The following SLC44A4 variants were observed in gnomAD, a reference collection of about 807,000 sequenced individuals.
The protein encoded by SLC44A4 is choline transporter-like protein 4.
A neutral mutation model predicts 97.0 loss-of-function variants in SLC44A4; 74 were observed. That is an observed-to-expected ratio of 0.76 (90% CI 0.63 to 0.93). SLC44A4 has a LOEUF of 0.93. Ranked by LOEUF, SLC44A4 falls within the 40% of genes least tolerant of loss-of-function variation. The pLI, the probability that SLC44A4 is intolerant of heterozygous loss-of-function variation, is 0.00. For synonymous variants in SLC44A4, 325 were observed against 363.8 expected, an observed-to-expected ratio of 0.89 and a Z score of 1.21; for missense variants, 799 against 902.9, an observed-to-expected ratio of 0.88 and a Z score of 1.48.
At chr6:31,866,719 C>T (rs1001764013) in intron 13 of SLC44A4, among the ~76,000 whole-genome samples, 1 of 152,036 alleles carries the variant, frequency 6.6e-6, no homozygotes, top group East Asian at 1.9e-4. Context: ...ATGGTGAAAT[C>T]CCATCTCTAC....
chr6:31,873,527 G>A (rs1763285643), intron 7 of SLC44A4, among the ~76,000 whole-genome samples: 2 of 152,012 alleles, frequency 1.3e-5, no homozygotes, highest in Admixed American at 6.6e-5. Flanking sequence ...ACTGGGTGTC[G>A]GGGCTCATGT....
intron 7 of SLC44A4, among the ~76,000 whole-genome samples, chr6:31,872,917 G>A (rs1763251691): frequency 6.7e-6 from 1 of 149,636 alleles, no homozygotes; most frequent in East Asian, 1.9e-4. Context: ...TCTCACTGTT[G>A]CCCAGGCTGG....
chr6:31,865,948 G>A lies in SLC44A4; in HGVS notation c.1412C>T (p.Ser471Phe). ...GGGCTTGTGGAAGGCCCAGTAGAAG[G>A]AGGCAAAGGCTCCAGCGAGGACGCA... ...GQCVLAGAFA[S>F]FYWAFHKPQD... The change falls in exon 14 of 21, where the codon TCC (serine) becomes TTC (phenylalanine). Residue 471 changes from serine to phenylalanine, a missense_variant. Ser to Phe is a radical substitution (Grantham distance 155). Coordinates refer to ENST00000229729, the MANE Select transcript of SLC44A4 (RefSeq NM_025257.3). This position sits in a 1 kb window ranked among gnomAD's most constrained non-coding sequence, Gnocchi z 5.2. 1 of 1,614,218 alleles carries A rather than the reference G, an allele frequency of 6.2e-7. No individual in the cohort carries two copies.
Position 31,874,593 on chromosome 6 carries a change from A to T in SLC44A4, c.469-73T>A. 1 of 1,578,964 alleles carries T rather than the reference A, an allele frequency of 6.3e-7. No homozygotes were observed. The highest frequency in any genetic ancestry group is 1.2e-5 in the South Asian group (1 of 84,572). ...AGAAGCAGGTCCCCTCACCACCACC[A>T]TGGGGCTCAGCCTGTCCCACACTCC... is the stretch of plus-strand genomic sequence containing the variant. On this transcript the variant is annotated intron_variant, in intron 6 of 20. Coordinates refer to ENST00000229729, the MANE Select transcript of SLC44A4 (RefSeq NM_025257.3). This position sits in a 1 kb window ranked among gnomAD's most constrained non-coding sequence, Gnocchi z 4.8.
Position 31,874,779 on chromosome 6 carries a change from C to G in SLC44A4, c.410G>C (p.Gly137Ala). 1.9e-6 allele frequency: 3 copies of G among 1,614,006 alleles called. No individual in the cohort carries two copies. Among genetic ancestry groups the G allele is most frequent in the Non-Finnish European group, 2.5e-6 (3 of 1,179,970 alleles). The change falls in exon 6 of 21, where the codon GGG (glycine) becomes GCG (alanine). Residue 137 changes from glycine to alanine, a missense_variant. Around this residue, in one of 3 missense-constraint regions of SLC44A4, gnomAD observed 409 missense variants for 434.1 expected, o/e 0.94. Transcript: ENST00000229729. This position sits in a 1 kb window ranked among gnomAD's most constrained non-coding sequence, Gnocchi z 4.8. ...CCTGTTTTTTGTATAGAAGACTTCC[C>G]CAACAGTCTGTGAGAACTCGTTTTT... ...VGKNEFSQTV[G>A]EVFYTKNRNF...
intron 13 of SLC44A4, among the ~76,000 whole-genome samples, chr6:31,867,111 G>T (rs189202271): frequency 1.4e-4 from 22 of 151,894 alleles, no homozygotes; most frequent in Admixed American, 6.6e-4. Flanking sequence ...ACAGGGTCTC[G>T]CTCTGTTGCC....
intron 12 of SLC44A4, 31 bp downstream of exon 12, chr6:31,869,514 A>C: frequency 6.4e-7 from 1 of 1,559,680 alleles, no homozygotes; most frequent in Non-Finnish European, 8.7e-7. Flanking sequence ...CCAGGACTCC[A>C]AGAGTGGCTG....
chr6:31,865,832 C>A lies in SLC44A4; in HGVS notation c.1487+41G>T, dbSNP rs769275197. On this transcript the variant is annotated intron_variant, in intron 14 of 20. Coordinates refer to ENST00000229729, the MANE Select transcript of SLC44A4 (RefSeq NM_025257.3). This position sits in a 1 kb window ranked among gnomAD's most constrained non-coding sequence, Gnocchi z 5.2. ...AGAGACAGCTCCAGGACCCCTGGGG[C>A]CCCCGTGCCTACAATGACCAGGCCC... The A allele has an allele frequency of 6.2e-7, 1 of 1,613,848 alleles. No homozygotes were observed. The highest frequency in any genetic ancestry group is 8.5e-7 in the Non-Finnish European group (1 of 1,179,836).
At chr6:31,864,403 T>C in intron 20 of SLC44A4, 1 of 582,516 alleles carries the variant, frequency 1.7e-6, no homozygotes. Context: ...ACCCGAGATT[T>C]CTTAGGGAAG....
Position 31,870,931 on chromosome 6 carries a change from A to G in SLC44A4, c.818T>C (p.Ile273Thr). The change falls in exon 10 of 21, where the codon ATC becomes ACC. Residue 273 changes from isoleucine to threonine, a missense_variant. Transcript: ENST00000229729. ...TCGGTACTCCTCCCAGCAGTAGTAG[A>G]TGCCGTATGCCAGCACGCCCAGCAC... ...LGVLGVLAYGIYYCWEEYRVL... is the reference protein window; with the variant it reads ...LGVLGVLAYGTYYCWEEYRVL... The G allele has an allele frequency of 6.2e-7, 1 of 1,613,010 alleles. No individual in the cohort carries two copies. The highest frequency in any genetic ancestry group is 8.5e-7 in the Non-Finnish European group (1 of 1,179,990).
chr6:31,863,787 G>T, intron 20 of SLC44A4, 39 bp from the exon 21 acceptor site: 2 of 1,610,154 alleles, frequency 1.2e-6, no homozygotes, highest in Non-Finnish European at 1.7e-6. Flanking sequence ...GGACCCTGGG[G>T]CCAGGAAATC....
Position 31,864,641 on chromosome 6 carries a change from G to A in SLC44A4, c.2011+11C>T. 6.2e-7 allele frequency: 1 copy of A among 1,613,260 alleles called. No homozygotes were observed. Among genetic ancestry groups the A allele is most frequent in the Non-Finnish European group, 8.5e-7 (1 of 1,179,238 alleles). ...TAAGGTTGGGGACAGGTGGCTGGGG[G>A]TGTCACTCACGGAAGCAGAGGAAGA... On this transcript the variant is annotated intron_variant, in intron 20 of 20. Transcript: ENST00000229729.
Position 31,865,158 on chromosome 6 carries a change from G to A in SLC44A4, c.1761-78C>T. On this transcript the variant is annotated intron_variant, in intron 17 of 20. Coordinates refer to ENST00000229729, the MANE Select transcript of SLC44A4 (RefSeq NM_025257.3). This position sits in a 1 kb window ranked among gnomAD's most constrained non-coding sequence, Gnocchi z 5.2. ...GTGAAATTGGCTTCGTAATTTGTGG[G>A]GACTGGTGCAAAATGAAAATTGTTC... 1 of 1,562,754 alleles carries A rather than the reference G, an allele frequency of 6.4e-7. No homozygotes were observed. Among genetic ancestry groups the A allele is most frequent in the Admixed American group, 1.7e-5 (1 of 59,888 alleles).
chr6:31,867,841 G>C (rs867718104), intron 13 of SLC44A4, among the ~76,000 whole-genome samples: 1 of 49,070 alleles, frequency 2.0e-5, no homozygotes. Flanking sequence ...TTTTTTTTTT[G>C]AGACGGAGTC....
In SLC44A4 at chr6:31,869,146, T is replaced by C. The variant is rs374635026; in HGVS notation, c.1233+9A>G. On this transcript the variant is annotated intron_variant, in intron 13 of 20. Transcript: ENST00000229729. ...TAGTCCCGCCTCCATGTCCCCTGCTTCCTCTTACCGTGGGGTTGCATGATG... is the reference window on the plus strand; with the variant it reads ...TAGTCCCGCCTCCATGTCCCCTGCTCCCTCTTACCGTGGGGTTGCATGATG... The C allele has an allele frequency of 9.4e-6, 15 of 1,598,024 alleles. No individual in the cohort carries two copies. The highest frequency in any genetic ancestry group is 6.7e-5 in the African/African-American group (5 of 74,606).
intron 7 of SLC44A4, among the ~76,000 whole-genome samples, chr6:31,872,244 T>A (rs2763981): frequency 0.79 from 119,679 of 152,056 alleles, 47,706 homozygotes; most frequent in Middle Eastern, 0.91. Flanking sequence ...TTATTTATTT[T>A]CTTATTTTTG....
rs1459780027 is a variant in SLC44A4 at position 31,865,242 on chromosome 6, G to C, written c.1760+73C>G. ...TAAGTCTAGGGCCCGACTGAGCACA[G>C]CACACCCACGAAGCCAGCCTTGGGT... is the stretch of plus-strand genomic sequence containing the variant. On this transcript the variant is annotated intron_variant, in intron 17 of 20. Transcript: ENST00000229729. The surrounding 1 kb of genome is among the most constrained non-coding windows in gnomAD (Gnocchi z 5.2). The C allele has an allele frequency of 8.9e-6, 14 of 1,570,622 alleles. No homozygotes were observed. Among genetic ancestry groups the C allele is most frequent in the African/African-American group, 1.4e-5 (1 of 73,958 alleles).
Position 31,876,776 on chromosome 6 carries a change from G to A in SLC44A4, c.89+258C>T, listed in dbSNP as rs1248532008. On this transcript the variant is annotated intron_variant, in intron 2 of 20. Coordinates refer to ENST00000229729, the MANE Select transcript of SLC44A4 (RefSeq NM_025257.3). The surrounding 1 kb of genome is among the most constrained non-coding windows in gnomAD (Gnocchi z 4.8). ...TAAAAGACAGAAAAGCACACAACTC[G>A]CAAGGGCTCAGCTGGGTGAGTTCTC... 6.6e-6 allele frequency among the ~76,000 whole-genome samples: 1 copy of A among 152,138 alleles called. No individual in the cohort carries two copies. Among genetic ancestry groups the A allele is most frequent in the African/African-American group, 2.4e-5 (1 of 41,404 alleles).
At chr6:31,867,680 C>T (rs370786488) in intron 13 of SLC44A4, among the ~76,000 whole-genome samples, 5 of 151,076 alleles carry the variant, frequency 3.3e-5, no homozygotes, top group East Asian at 1.9e-4. Flanking sequence ...GAGCCATGAT[C>T]GCATCACTGC....
Sources: gnomAD v4.1 joint callset for allele counts (sites outside exome capture counted in the v4.1 genomes callset) on GRCh38, gnomAD v4.1.1 for gene constraint, gnomAD v4.1.1 regional missense constraint, Gnocchi (gnomAD v3.1) non-coding constraint, MANE v1.5 for transcripts, NCBI Gene and HGNC (gene_info 2026-07-23, HGNC 2026-07-21) for gene names.